Variants in DIDO1 observed in about 807,000 individuals in gnomAD.
DIDO1 encodes death inducer-obliterator 1.
A neutral mutation model predicts 99.4 loss-of-function variants in DIDO1; 16 were observed. That is an observed-to-expected ratio of 0.16 (90% confidence interval 0.11 to 0.24). The LOEUF (loss-of-function observed/expected upper bound fraction) is 0.24. DIDO1 is among the 10% of genes least tolerant of loss of function. The pLI is 1.00. For missense variants in DIDO1, 2,996 were observed against 3,014.0 expected, an observed-to-expected ratio of 0.99 and a Z score of 0.14; for synonymous variants, 1,366 against 1,239.1, an observed-to-expected ratio of 1.10 and a Z score of -2.15.
At chr20:62,893,087 T>C (rs1221035495) in intron 12 of DIDO1, 125 bp from the exon 13 acceptor site, 6 of 1,034,266 alleles carry the variant, frequency 5.8e-6, no homozygotes, top group Admixed American at 2.7e-5. Context: ...AGTGCGGTGG[T>C]GCAACACAGC....
Position 62,911,452 on chromosome 20 carries a change from T to C in DIDO1, c.161A>G (p.Gln54Arg), listed in dbSNP as rs1288982323. 3.1e-6 allele frequency: 5 copies of C among 1,612,276 alleles called. No homozygotes were observed. The highest frequency in any genetic ancestry group is 4.2e-6 in the Non-Finnish European group (5 of 1,179,254). ...CCGCAGGGACAGGCCCAGCTGCTGCTGTGGGGGTGGCGGCTCCAGTGGGTC... is the reference window on the plus strand; with the variant it reads ...CCGCAGGGACAGGCCCAGCTGCTGCCGTGGGGGTGGCGGCTCCAGTGGGTC... ...EADPLEPPPPQQQLGLSLRRS... is the reference protein window; with the variant it reads ...EADPLEPPPPRQQLGLSLRRS... Residue 54 changes from glutamine to arginine, a missense_variant, in exon 3 of 16, where the codon CAG becomes CGG. Transcript: ENST00000395343. The surrounding 1 kb of genome is among the most constrained non-coding windows in gnomAD (Gnocchi z 7.0).
Position 62,909,933 on chromosome 20 carries a change from C to T in DIDO1, c.927G>A (p.Arg309=). The T allele has an allele frequency of 6.2e-7, 1 of 1,614,070 alleles. No individual in the cohort carries two copies. Among genetic ancestry groups the T allele is most frequent in the South Asian group, 1.1e-5 (1 of 91,086 alleles). Reference sequence around the variant, plus strand: ...TTGGGCAGATATAGTCTTCCCCATTCCTTTCCAAAAGCCTCCCTCGAGCCT... The same window carrying T: ...TTGGGCAGATATAGTCTTCCCCATTTCTTTCCAAAAGCCTCCCTCGAGCCT... ...ISEARGRLLE[R]NGEDYICPNC... The change falls in exon 4 of 16, where the codon AGG becomes AGA. Residue 309 remains arginine (R), a synonymous_variant. Transcript: ENST00000395343.
At chr20:62,907,442 A>G in intron 4 of DIDO1, 83 bp from the exon 5 acceptor site, 1 of 1,342,898 alleles carries the variant, frequency 7.4e-7, no homozygotes, top group Non-Finnish European at 1.0e-6. Flanking sequence ...ATCACCATTT[A>G]TAGTACCAAG....
At chr20:62,921,139 G>A (rs945659936) in intron 1 of DIDO1, among the ~76,000 whole-genome samples, 4 of 152,082 alleles carry the variant, frequency 2.6e-5, no homozygotes, top group Non-Finnish European at 5.9e-5. Flanking sequence ...CAGGTGATCC[G>A]CCCACCTTGG....
intron 6 of DIDO1, among the ~76,000 whole-genome samples, chr20:62,904,807 A>AAG (rs1568859998): frequency 7.1e-6 from 1 of 141,706 alleles, no homozygotes; most frequent in Non-Finnish European, 1.5e-5. Context: ...AAAAAAAAAA[A>AAG]GTGTCTTTTT....
In DIDO1 at chr20:62,909,845, T is replaced by C. The variant is rs779128608; in HGVS notation, c.1015A>G (p.Lys339Glu). Residue 339 changes from lysine (K) to glutamate (E), a missense_variant, in exon 4 of 16, where the codon AAA becomes GAA. Around this residue, in one of 5 missense-constraint regions of DIDO1, gnomAD observed 898 missense variants for 972.7 expected, o/e 0.92. Transcript: ENST00000395343. ...CCATCAGCATCTCCAGGTCTCCATT[T>C]AGCTTCCTGCTGATCTGCCGTTTCT... ...HSETADQQEA[K>E]WRPGDADGTD... 1.2e-6 allele frequency: 2 copies of C among 1,614,250 alleles called. No homozygotes were observed. The highest frequency in any genetic ancestry group is 1.7e-6 in the Non-Finnish European group (2 of 1,180,036).
intron 8 of DIDO1, among the ~76,000 whole-genome samples, chr20:62,895,944 G>T (rs952063493): frequency 5.9e-5 from 9 of 152,198 alleles, no homozygotes; most frequent in African/African-American, 1.7e-4. Flanking sequence ...TGAAGCGACT[G>T]GCTTGTACCT....
In DIDO1 at chr20:62,882,068, G is replaced by A. The variant is rs747946873; in HGVS notation, c.3888C>T (p.Ala1296=). ...AAGCGGTGGAGGAAGCTGCCGTGGA[G>A]GCTGCCGCTGCTGTTGTGGCTGCTG... ...PATAATTAAA[A]STAASSTASS... is the part of the protein sequence containing the mutation. The change falls in exon 16 of 16, where the codon GCC becomes GCT. Residue 1296 remains alanine (A), a synonymous_variant. Transcript: ENST00000395343. 5.0e-6 allele frequency: 8 copies of A among 1,613,596 alleles called. No homozygotes were observed. Among genetic ancestry groups the A allele is most frequent in the South Asian group, 2.2e-5 (2 of 91,084 alleles).
chr20:62,883,765 G>A (rs984787330), intron 15 of DIDO1, among the ~76,000 whole-genome samples: 1 of 152,208 alleles, frequency 6.6e-6, no homozygotes. Context: ...GGTGGAGGTT[G>A]CAGTGAGCCG....
At chr20:62,927,105 C>A (rs1008441946), upstream of DIDO1, among the ~76,000 whole-genome samples, 1 of 151,914 alleles carries the variant, frequency 6.6e-6, no homozygotes, top group African/African-American at 2.4e-5. Context: ...AAACCAGGAG[C>A]GTGGGGGTGG....
chr20:62,927,410 T>C (rs1357816283), upstream of DIDO1, among the ~76,000 whole-genome samples: 1 of 152,192 alleles, frequency 6.6e-6, no homozygotes, highest in East Asian at 1.9e-4. Context: ...AGTGACACTC[T>C]ATCACCTGTC....
Position 62,880,173 on chromosome 20 carries a change from C to T in DIDO1, c.5783G>A (p.Gly1928Glu). 1 of 1,612,314 alleles carries T rather than the reference C, an allele frequency of 6.2e-7. No individual in the cohort carries two copies. The highest frequency in any genetic ancestry group is 1.1e-5 in the South Asian group (1 of 91,070). ...AGTTTCAAACTGACTAGGATGGGGC[C>T]CTCTTGGGCCCACGAAATGACCAGG... is the stretch of plus-strand genomic sequence containing the variant. Reference protein sequence around the residue: ...PPPGHFVGPRGPHPSQFETAR... With the variant: ...PPPGHFVGPREPHPSQFETAR... The change falls in exon 16 of 16, where the codon GGG (glycine) becomes GAG (glutamate). Residue 1928 changes from glycine to glutamate, a missense_variant. Physicochemically the swap from Gly to Glu is moderately conservative, Grantham distance 98 (BLOSUM62 -2). This residue lies in a region of DIDO1 where 1,562 missense variants were observed against 1,412.6 expected (regional missense o/e 1.11). Transcript: ENST00000395343.
intron 1 of DIDO1, among the ~76,000 whole-genome samples, chr20:62,923,102 AG>A (rs1320427459): frequency 1.3e-5 from 2 of 152,208 alleles, no homozygotes; most frequent in Non-Finnish European, 2.9e-5. Flanking sequence ...CCTGGCTTCA[AG>A]GGGTCCTCTG....
chr20:62,899,035 G>T (rs919787055), intron 6 of DIDO1, among the ~76,000 whole-genome samples: 1 of 152,136 alleles, frequency 6.6e-6, no homozygotes, highest in East Asian at 1.9e-4. Context: ...AGCAGCGAGG[G>T]GGTGGGGTGA....
Position 62,885,360 on chromosome 20 carries a change from T to A in DIDO1, c.3542-2946A>T, listed in dbSNP as rs189168317. Among the ~76,000 whole-genome samples the A allele has an allele frequency of 1.3e-4, 20 of 152,328 alleles. No individual in the cohort carries two copies. The East Asian group carries it at 3.9e-3, about 29-fold the overall frequency. The stretch of plus-strand genomic sequence containing the variant: ...TGCCACCCAAGGGAGACACTCAGCT[T>A]CTAAAGGGCTGTTAGGGTGGCAGTG... On this transcript the variant is annotated intron_variant, in intron 15 of 15. Transcript: ENST00000395343.
At position 62,880,436 on chromosome 20, in the gene DIDO1, G is replaced by C; in HGVS notation, c.5520C>G (p.Ser1840=). Reference sequence around the variant, plus strand: ...GGGGATCCTTGCGTTCTTCAAATTGGGATGGTGCCACTCCTCGTGGTCCAC... The same window carrying C: ...GGGGATCCTTGCGTTCTTCAAATTGCGATGGTGCCACTCCTCGTGGTCCAC... ...YLGGPRGVAP[S]QFEERKDPHG... is the part of the protein sequence containing the mutation. The change falls in exon 16 of 16, where the codon TCC becomes TCG. Residue 1840 remains serine, a synonymous_variant. Coordinates refer to ENST00000395343, the MANE Select transcript of DIDO1 (RefSeq NM_001193369.2). The C allele has an allele frequency of 1.9e-6, 3 of 1,612,884 alleles. No homozygotes were observed. The highest frequency in any genetic ancestry group is 8.5e-7 in the Non-Finnish European group (1 of 1,180,020).
chr20:62,878,784 A>G lies in DIDO1; in HGVS notation c.*449T>C, dbSNP rs2064145209. 6.4e-6 allele frequency: 1 copy of G among 155,492 alleles called. No individual in the cohort carries two copies. The highest frequency in any genetic ancestry group is 1.4e-5 in the Non-Finnish European group (1 of 70,512). 9.6% of individuals were successfully genotyped at this position (155,492 alleles called of 1,614,324 possible). ...AAGACTCCAGATACAAGCTACTAAG[A>G]CTTCTCCCGTAGCCGCAGGGTGGAC... On this transcript the variant is annotated 3_prime_UTR_variant, in exon 16 of 16. Transcript: ENST00000395343.
chr20:62,935,952 G>A (rs1244722278), intron 1 of DIDO1, among the ~76,000 whole-genome samples: 1 of 152,220 alleles, frequency 6.6e-6, no homozygotes. Flanking sequence ...TTAAGGAGGG[G>A]GCTCGAGCAG....
rs1369488974 is a variant in DIDO1, at chr20:62,923,293, G to C, written c.-200+3146C>G. On this transcript the variant is annotated intron_variant, in intron 1 of 15. Transcript: ENST00000395343. ...CAGGTTCAAGCGATTCTCCCACCTC[G>C]GCCTCCCAAGTAGCTGGGATTACAG... 2.6e-5 allele frequency among the ~76,000 whole-genome samples: 4 copies of C among 151,916 alleles called. No individual in the cohort carries two copies. In the East Asian group the frequency reaches 7.7e-4, roughly 29 times the overall value.
Sources: allele counts gnomAD v4.1 joint callset (sites outside exome capture counted in the v4.1 genomes callset), GRCh38; gene constraint gnomAD v4.1.1; regional missense constraint gnomAD v4.1.1; non-coding constraint Gnocchi (gnomAD v3.1); transcripts MANE v1.5; gene names NCBI Gene and HGNC (gene_info 2026-07-23, HGNC 2026-07-21).